ERG: variants seen among roughly 807,000 people sequenced by gnomAD.
ERG encodes the protein transcriptional regulator ERG.
In ERG, 9 loss-of-function variants were observed where a neutral mutation model predicts 55.3. The observed-to-expected ratio is 0.16, with a 90% CI of 0.10 to 0.28. The LOEUF (loss-of-function observed/expected upper bound fraction) is 0.28, where lower values mean the gene tolerates loss of function less well. Ranked by LOEUF, ERG falls within the 10% of genes least tolerant of loss-of-function variation. The pLI, the probability that ERG is intolerant of heterozygous loss-of-function variation, is 1.00. For synonymous variants in ERG, 223 were observed against 237.3 expected (o/e 0.94, Z 0.55); for missense variants, 434 against 631.6 (o/e 0.69, Z 3.35).
intron 2 of ERG, among the ~76,000 whole-genome samples, chr21:38,561,446 T>C (rs191794934): frequency 3.3e-4 from 50 of 151,468 alleles, no homozygotes; most frequent in Admixed American, 3.0e-3. Flanking sequence ...GGGTAAATTC[T>C]ACACAATCCT....
At chr21:38,578,013 CT>C (rs1353200114) in intron 1 of ERG, among the ~76,000 whole-genome samples, 3 of 152,214 alleles carry the variant, frequency 2.0e-5, no homozygotes, top group Non-Finnish European at 2.9e-5. Flanking sequence ...TTCCTGCCTC[CT>C]GAAACCAAGT....
At chr21:38,385,945 C>T (rs541186211) in intron 9 of ERG, among the ~76,000 whole-genome samples, 7 of 152,278 alleles carry the variant, frequency 4.6e-5, no homozygotes, top group Non-Finnish European at 7.3e-5. Context: ...AAATATTCAG[C>T]GTCAACTTTC....
intron 1 of ERG, among the ~76,000 whole-genome samples, chr21:38,454,341 T>G (rs2058968544): frequency 1.3e-5 from 2 of 152,192 alleles, no homozygotes; most frequent in Admixed American, 1.3e-4. Context: ...GCCCTTGCTC[T>G]GGGAATCACC....
intron 1 of ERG, among the ~76,000 whole-genome samples, chr21:38,492,185 C>T (rs903377645): frequency 6.6e-6 from 1 of 152,328 alleles, no homozygotes; most frequent in Non-Finnish European, 1.5e-5. Flanking sequence ...TACTTCGCCT[C>T]TCTAATCCTT....
At chr21:38,611,410 G>A (rs986215228) in intron 1 of ERG, among the ~76,000 whole-genome samples, 6 of 152,014 alleles carry the variant, frequency 3.9e-5, no homozygotes, top group East Asian at 1.9e-4. Flanking sequence ...CCTTCATCAC[G>A]TGGCCCCTCT....
At chr21:38,532,540 G>A (rs765207506) in intron 2 of ERG, among the ~76,000 whole-genome samples, 2 of 152,172 alleles carry the variant, frequency 1.3e-5, no homozygotes, top group Non-Finnish European at 2.9e-5. Context: ...AGAAGGTGCC[G>A]TATGTGAAAG....
chr21:38,440,644 A>C (rs1408528672), intron 2 of ERG, among the ~76,000 whole-genome samples: 1 of 152,000 alleles, frequency 6.6e-6, no homozygotes, highest in Non-Finnish European at 1.5e-5. Flanking sequence ...AACATGGTGA[A>C]GCCCCATCTC....
intron 1 of ERG, among the ~76,000 whole-genome samples, chr21:38,491,507 A>G (rs1458298803): frequency 6.6e-6 from 1 of 152,274 alleles, no homozygotes; most frequent in Non-Finnish European, 1.5e-5. Context: ...AAAATTCGAC[A>G]AGCATTGTTT....
At chr21:38,582,785 C>T (rs539477783) in intron 1 of ERG, among the ~76,000 whole-genome samples, 1 of 151,840 alleles carries the variant, frequency 6.6e-6, no homozygotes, top group Non-Finnish European at 1.5e-5. Flanking sequence ...CTTGCTCTGT[C>T]GCCCAGGCTG....
At chr21:38,457,435 CA>C (rs11323156) in intron 1 of ERG, among the ~76,000 whole-genome samples, 106,519 of 140,036 alleles carry the variant, frequency 0.76, 40,172 homozygotes, top group East Asian at 0.88. Context: ...GACTCTGTCT[CA>C]AAAAAAAAAA....
intron 1 of ERG, among the ~76,000 whole-genome samples, chr21:38,491,654 A>T (rs1158483160): frequency 5.9e-5 from 9 of 152,230 alleles, no homozygotes; most frequent in Admixed American, 2.6e-4. Context: ...TGTGTACAAC[A>T]GCAGATTACC....
chr21:38,578,504 T>C (rs1011742622), intron 1 of ERG, among the ~76,000 whole-genome samples: 2 of 152,194 alleles, frequency 1.3e-5, no homozygotes, highest in African/African-American at 2.4e-5. Flanking sequence ...CAACAGGCAG[T>C]AGCAGAAAGA....
At chr21:38,564,585 CTCT>C (rs1568916243) in intron 2 of ERG, among the ~76,000 whole-genome samples, 1 of 151,324 alleles carries the variant, frequency 6.6e-6, no homozygotes, top group African/African-American at 2.5e-5. Context: ...TTCTCTCTCT[CTCT>C]TTTTTTTTGT....
At chr21:38,514,226 A>T (rs571623418) in intron 2 of ERG, among the ~76,000 whole-genome samples, 4 of 147,988 alleles carry the variant, frequency 2.7e-5, no homozygotes, top group South Asian at 2.1e-4. Flanking sequence ...ACATGCATTT[A>T]AAAAAAAAAG....
At chr21:38,613,191 T>C (rs555224361) in intron 1 of ERG, among the ~76,000 whole-genome samples, 5 of 152,360 alleles carry the variant, frequency 3.3e-5, no homozygotes, top group African/African-American at 1.2e-4. Flanking sequence ...TAGTCAAGAC[T>C]GTTTAGTAAA....
chr21:38,588,421 G>A (rs1245334473), upstream of ERG, among the ~76,000 whole-genome samples: 1 of 152,188 alleles, frequency 6.6e-6, no homozygotes, highest in Non-Finnish European at 1.5e-5. Context: ...GTATGGGGAG[G>A]TAGAAGAAGG....
At chr21:38,391,436 G>T (rs1171256081) in intron 8 of ERG, among the ~76,000 whole-genome samples, 1 of 152,170 alleles carries the variant, frequency 6.6e-6, no homozygotes, top group Non-Finnish European at 1.5e-5. Context: ...TGTGCACGTA[G>T]AATTTTTTTC....
intron 2 of ERG, among the ~76,000 whole-genome samples, chr21:38,529,418 T>C (rs1220772276): frequency 1.3e-5 from 2 of 152,062 alleles, no homozygotes; most frequent in African/African-American, 2.4e-5. Context: ...ACAGAACTTG[T>C]TGGTGGATGG....
chr21:38,398,521 C>G (rs1988333785), intron 6 of ERG, among the ~76,000 whole-genome samples: 1 of 152,214 alleles, frequency 6.6e-6, no homozygotes, highest in Non-Finnish European at 1.5e-5. Context: ...GAAGTGTGCT[C>G]TCTCCCAGGT....
Sources: allele counts gnomAD v4.1 joint callset (sites outside exome capture counted in the v4.1 genomes callset), GRCh38; gene constraint gnomAD v4.1.1; transcripts MANE v1.5; gene names NCBI Gene and HGNC (gene_info 2026-07-23, HGNC 2026-07-21).